The following SPAG16 variants were observed in gnomAD, a reference collection of about 807,000 sequenced individuals.
The protein encoded by SPAG16 is sperm-associated antigen 16 protein.
SPAG16 carries 86 observed loss-of-function variants against 80.4 expected under a neutral mutation model. The observed-to-expected ratio is 1.07, with a 90% confidence interval of 0.90 to 1.28. The LOEUF is 1.28. Among genes scored for constraint, SPAG16 ranks in the 50% most tolerant of loss-of-function variants. The probability of loss-of-function intolerance (pLI) is 0.00; values close to 1 mark genes in which losing one functional copy is unlikely to be tolerated. For missense variants in SPAG16, 870 were observed against 765.3 expected, an observed-to-expected ratio of 1.14 and a Z score of -1.61; for synonymous variants, 294 against 265.9, an observed-to-expected ratio of 1.11 and a Z score of -1.03.
intron 10 of SPAG16, among the ~76,000 whole-genome samples, chr2:213,560,870 T>G (rs1333334446): frequency 1.3e-5 from 2 of 152,188 alleles, no homozygotes; most frequent in Non-Finnish European, 2.9e-5. Flanking sequence ...ACCATTAACT[T>G]TTTTTGTGGG....
At chr2:214,013,482 C>G (rs1032151917) in intron 12 of SPAG16, among the ~76,000 whole-genome samples, 7 of 152,138 alleles carry the variant, frequency 4.6e-5, no homozygotes, top group African/African-American at 1.7e-4. Flanking sequence ...CAGTCTCTCC[C>G]TATTCTCCCG....
At chr2:214,227,873 A>C (rs1341461656) in intron 15 of SPAG16, among the ~76,000 whole-genome samples, 1 of 151,870 alleles carries the variant, frequency 6.6e-6, no homozygotes, top group African/African-American at 2.4e-5. Context: ...AGTCTGAAAA[A>C]TTCCTGAATC....
rs1422968604 is a variant in SPAG16, at chr2:213,624,582, ATTAAG to A, written c.1070+134496_1070+134500del. 7.9e-5 allele frequency among the ~76,000 whole-genome samples: 12 copies of A among 152,310 alleles called. No homozygotes were observed. The East Asian group carries it at 2.1e-3, about 27-fold the overall frequency. ...AAAACTAAATGTCTTCCTTTTGCAC[ATTAAG>A]TTATGTTAAAACACTGACTGGTAAG... On this transcript the variant is annotated intron_variant, in intron 10 of 15. Coordinates refer to ENST00000331683, the MANE Select transcript of SPAG16 (RefSeq NM_024532.5).
At chr2:214,325,475 A>G (rs1415820334) in intron 15 of SPAG16, among the ~76,000 whole-genome samples, 2 of 152,166 alleles carry the variant, frequency 1.3e-5, no homozygotes. Flanking sequence ...TTATAATGAG[A>G]AGCCTTAAAA....
chr2:213,455,710 C>T lies in SPAG16; in HGVS notation c.943-34253C>T, dbSNP rs577325633. On this transcript the variant is annotated intron_variant, in intron 9 of 15. Coordinates refer to ENST00000331683, the MANE Select transcript of SPAG16 (RefSeq NM_024532.5). ...CATGCACAGTTCACAATAGGGTTTG[C>T]GCTCCTGTGATAATATAATGCCCCT... 1.7e-4 allele frequency among the ~76,000 whole-genome samples: 26 copies of T among 152,260 alleles called. No homozygotes were observed. The South Asian group carries it at 3.3e-3, about 19-fold the overall frequency.
intron 10 of SPAG16, among the ~76,000 whole-genome samples, chr2:213,576,904 C>T (rs556324870): frequency 1.1e-4 from 17 of 152,138 alleles, no homozygotes; most frequent in Non-Finnish European, 1.5e-4. Context: ...AGGCTTAATA[C>T]GTGGGTGGCA....
At chr2:213,817,074 A>T (rs1217612097) in intron 10 of SPAG16, among the ~76,000 whole-genome samples, 1 of 151,740 alleles carries the variant, frequency 6.6e-6, no homozygotes, top group Non-Finnish European at 1.5e-5. Flanking sequence ...AAAAGGAATT[A>T]TTTTTGTTTA....
chr2:213,702,308 G>A (rs552585784), intron 10 of SPAG16, among the ~76,000 whole-genome samples: 57 of 152,306 alleles, frequency 3.7e-4, no homozygotes, highest in African/African-American at 1.2e-3. Flanking sequence ...AGCCAGCTGC[G>A]GCAACCCGCT....
chr2:213,371,073 C>T (rs1378123287), intron 8 of SPAG16, among the ~76,000 whole-genome samples: 1 of 152,114 alleles, frequency 6.6e-6, no homozygotes, highest in African/African-American at 2.4e-5. Context: ...GACTCTGTCA[C>T]GTCTCCAGTT....
At chr2:213,923,096 G>A (rs138930639) in intron 11 of SPAG16, among the ~76,000 whole-genome samples, 22 of 152,258 alleles carry the variant, frequency 1.4e-4, no homozygotes, top group Non-Finnish European at 2.9e-4. Flanking sequence ...CAGGGCAACA[G>A]GAGCCTGCCT....
chr2:213,483,258 C>T (rs1202747521), intron 9 of SPAG16, among the ~76,000 whole-genome samples: 1 of 152,014 alleles, frequency 6.6e-6, no homozygotes, highest in African/African-American at 2.4e-5. Flanking sequence ...GCATAGAAAA[C>T]TTTATATGTA....
intron 12 of SPAG16, among the ~76,000 whole-genome samples, chr2:213,942,857 T>A (rs562599110): frequency 2.8e-4 from 43 of 152,284 alleles, no homozygotes; most frequent in African/African-American, 9.9e-4. Context: ...CCAAAACTCA[T>A]ATGTTAAAGC....
intron 13 of SPAG16, among the ~76,000 whole-genome samples, chr2:214,054,961 A>C (rs2049859636): frequency 6.6e-6 from 1 of 152,190 alleles, no homozygotes; most frequent in African/African-American, 2.4e-5. Flanking sequence ...CCTTTGCCCT[A>C]ACACCACCAC....
At chr2:213,420,359 C>A (rs931949693) in intron 9 of SPAG16, among the ~76,000 whole-genome samples, 46 of 152,224 alleles carry the variant, frequency 3.0e-4, no homozygotes, top group African/African-American at 1.1e-3. Flanking sequence ...TTGCATTTTT[C>A]TTCAGAAACT....
At chr2:214,137,707 T>G (rs1251015165) in intron 14 of SPAG16, among the ~76,000 whole-genome samples, 1 of 152,134 alleles carries the variant, frequency 6.6e-6, no homozygotes, top group Non-Finnish European at 1.5e-5. Context: ...CTAGGTAATT[T>G]TAGGGAAGTG....
chr2:213,776,950 G>A (rs1212862895), intron 10 of SPAG16, among the ~76,000 whole-genome samples: 4 of 148,006 alleles, frequency 2.7e-5, no homozygotes, highest in Non-Finnish European at 4.5e-5. Flanking sequence ...CTATAATAGT[G>A]GAAAAAAAGG....
At position 213,504,932 on chromosome 2, in the gene SPAG16, G is replaced by A. The variant is rs537658449; in HGVS notation, c.1070+14842G>A. 1.5e-4 allele frequency among the ~76,000 whole-genome samples: 23 copies of A among 152,310 alleles called. 1 individual carries two copies. In the South Asian group the frequency reaches 4.6e-3, roughly 30 times the overall value. The stretch of plus-strand genomic sequence containing the variant: ...TTGCCCAGATTGGCAAAAAATTCAT[G>A]CCCTTCGGAATTTTCCAAGGCAATG... On this transcript the variant is annotated intron_variant, in intron 10 of 15. Coordinates refer to ENST00000331683, the MANE Select transcript of SPAG16 (RefSeq NM_024532.5).
intron 10 of SPAG16, among the ~76,000 whole-genome samples, chr2:213,859,804 T>C (rs913954541): frequency 7.9e-5 from 12 of 152,208 alleles, no homozygotes; most frequent in South Asian, 2.1e-4. Context: ...CACTAAGTCA[T>C]GTATTTGATG....
At chr2:213,575,556 C>G (rs544159069) in intron 10 of SPAG16, among the ~76,000 whole-genome samples, 1 of 151,920 alleles carries the variant, frequency 6.6e-6, no homozygotes, top group Admixed American at 6.6e-5. Context: ...TTTGTGTATC[C>G]CTTTTCCCCA....
Sources: allele counts gnomAD v4.1 joint callset (sites outside exome capture counted in the v4.1 genomes callset), GRCh38; gene constraint gnomAD v4.1.1; transcripts MANE v1.5; gene names NCBI Gene and HGNC (gene_info 2026-07-23, HGNC 2026-07-21).